Variants in PUDP observed in about 807,000 individuals in gnomAD.
The protein encoded by PUDP is pseudouridine 5'-phosphatase.
PUDP carries 8 observed loss-of-function variants against 9.4 expected under a neutral mutation model. The ratio of observed to expected loss-of-function variants is 0.85; its 90% CI spans 0.50 to 1.53. The LOEUF (loss-of-function observed/expected upper bound fraction) is 1.53, where lower values mean the gene tolerates loss of function less well. PUDP is among the 40% of genes most tolerant of loss of function. The pLI, the probability that PUDP is intolerant of heterozygous loss-of-function variation, is 0.00. For missense variants in PUDP, 188 were observed against 189.7 expected (o/e 0.99, Z 0.05); for synonymous variants, 99 against 80.7 (o/e 1.23, Z -1.22).
chrX:6,908,211 G>A (rs1208303201), intron 3 of PUDP, among the ~76,000 whole-genome samples: 1 of 112,649 alleles, frequency 8.9e-6, no homozygotes, highest in Non-Finnish European at 1.9e-5. Flanking sequence ...AGCCTTTCCA[G>A]GAGACAGGGA....
chrX:6,870,407 T>A (rs755578048), intron 3 of PUDP, among the ~76,000 whole-genome samples: 5 of 111,775 alleles, frequency 4.5e-5, no homozygotes, highest in Admixed American at 9.5e-5. Context: ...TGATAGTGAA[T>A]AAGTCTCATG....
rs750593546 is a variant in PUDP at position 6,793,816 on chromosome X, G to A, written c.*248-87350C>T. On this transcript the variant is annotated intron_variant and NMD_transcript_variant, in intron 3 of 3. Transcript: ENST00000655425. ...CAAGTTGATAGGAAAGGATAGGCTG[G>A]GGGCAGTCTTAAACCCTGGAAACCT... is the stretch of plus-strand genomic sequence containing the variant. Among the ~76,000 whole-genome samples the A allele has an allele frequency of 4.0e-3, 433 of 109,002 alleles. 8 individuals carry two copies. The highest frequency in any genetic ancestry group is 6.4e-3 in the Non-Finnish European group (327 of 50,998). The allele number at this position is 109,002 out of a possible 115,157, so 94.7% of individuals were successfully genotyped here.
chrX:7,121,126 AC>A (rs766188253), intron 1 of PUDP, among the ~76,000 whole-genome samples: 42 of 111,474 alleles, frequency 3.8e-4, no homozygotes, highest in Non-Finnish European at 6.8e-4. Context: ...CTCCAATTAA[AC>A]CTCCATAAAG....
At position 7,006,994 on chromosome X, in the gene PUDP, A is replaced by G. The variant is rs191102025; in HGVS notation, c.205-28651T>C. Reference sequence around the variant, plus strand: ...GATAACAACATGCCTTGGTTTCCCCATGCTACTGAAATGCCAGTGGTTGGG... The same window carrying G: ...GATAACAACATGCCTTGGTTTCCCCGTGCTACTGAAATGCCAGTGGTTGGG... On this transcript the variant is annotated intron_variant and NMD_transcript_variant, in intron 1 of 3. Coordinates refer to the PUDP transcript ENST00000655425. Among the ~76,000 whole-genome samples, 79 of 111,707 alleles carry G rather than the reference A, an allele frequency of 7.1e-4. 1 individual carries two copies. In the Admixed American group the frequency reaches 7.5e-3, roughly 11 times the overall value.
At chrX:6,949,582 G>A (rs927712718) in intron 3 of PUDP, among the ~76,000 whole-genome samples, 1 of 112,106 alleles carries the variant, frequency 8.9e-6, no homozygotes, top group Non-Finnish European at 1.9e-5. Flanking sequence ...TAATCTTTCT[G>A]CAGATAACTC....
At chrX:6,903,719 A>G (rs1927724847) in intron 3 of PUDP, among the ~76,000 whole-genome samples, 1 of 110,888 alleles carries the variant, frequency 9.0e-6, no homozygotes, top group Non-Finnish European at 1.9e-5. Flanking sequence ...GTTCTCACTT[A>G]TACGTAGAAG....
Position 6,795,600 on chromosome X carries a change from G to A in PUDP, c.*248-89134C>T, listed in dbSNP as rs749610809. 2.7e-5 allele frequency among the ~76,000 whole-genome samples: 3 copies of A among 111,069 alleles called. No individual in the cohort carries two copies. In the South Asian group the frequency reaches 1.1e-3, roughly 43 times the overall value. On this transcript the variant is annotated intron_variant and NMD_transcript_variant, in intron 3 of 3. Transcript: ENST00000655425. ...AAGCCTACATGGCCTCTTCTCTAGG[G>A]GGAGATATTCATTGAACTGGTAAAT...
chrX:6,842,029 C>A (rs1010429272), intron 3 of PUDP, among the ~76,000 whole-genome samples: 1 of 111,100 alleles, frequency 9.0e-6, no homozygotes, highest in Non-Finnish European at 1.9e-5. Context: ...ATGCTGTGTA[C>A]GTTCAATTTG....
chrX:6,858,322 CT>C (rs370817442), intron 3 of PUDP, among the ~76,000 whole-genome samples: 8,080 of 89,139 alleles, frequency 0.091, 323 homozygotes, highest in Middle Eastern at 0.13. Flanking sequence ...TTTTTTCTTT[CT>C]TTTTTTTTTT....
At chrX:6,883,142 C>T (rs776248912) in intron 3 of PUDP, among the ~76,000 whole-genome samples, 1 of 112,056 alleles carries the variant, frequency 8.9e-6, no homozygotes, top group Non-Finnish European at 1.9e-5. Context: ...CAATTCCCTC[C>T]CCTTCTTTGA....
At chrX:7,145,401 CAG>C (rs1468692873) in intron 1 of PUDP, among the ~76,000 whole-genome samples, 4 of 111,452 alleles carry the variant, frequency 3.6e-5, no homozygotes, top group Non-Finnish European at 7.5e-5. Context: ...TATTTACAAA[CAG>C]AATAATCTTC....
intron 3 of PUDP, among the ~76,000 whole-genome samples, chrX:6,918,076 C>T (rs956645415): frequency 8.9e-6 from 1 of 112,022 alleles, no homozygotes; most frequent in Admixed American, 9.5e-5. Flanking sequence ...CATAACATTT[C>T]CTGCTTTTTA....
intron 3 of PUDP, among the ~76,000 whole-genome samples, chrX:7,075,810 T>C (rs1249830828): frequency 8.9e-6 from 1 of 111,800 alleles, no homozygotes; most frequent in African/African-American, 3.3e-5. Flanking sequence ...TTATCCTTCA[T>C]AACAAAGCAG....
intron 3 of PUDP, among the ~76,000 whole-genome samples, chrX:6,949,658 T>C (rs1928520036): frequency 1.8e-5 from 2 of 112,778 alleles, no homozygotes; most frequent in South Asian, 7.3e-4. Flanking sequence ...TTATGTTAAA[T>C]GTTAATGTCA....
At chrX:6,968,463 C>T (rs1313453355) in intron 3 of PUDP, among the ~76,000 whole-genome samples, 2 of 110,663 alleles carry the variant, frequency 1.8e-5, no homozygotes, top group Non-Finnish European at 3.8e-5. Flanking sequence ...GGGTGTGAGT[C>T]ACTGTCTTCA....
chrX:6,948,709 G>A (rs1928507241), intron 3 of PUDP, among the ~76,000 whole-genome samples: 1 of 112,196 alleles, frequency 8.9e-6, no homozygotes, highest in South Asian at 3.7e-4. Flanking sequence ...CATATCGTGT[G>A]TTCAGCTCAA....
intron 3 of PUDP, among the ~76,000 whole-genome samples, chrX:6,755,363 C>T (rs914192429): frequency 9.0e-6 from 1 of 111,559 alleles, no homozygotes; most frequent in Non-Finnish European, 1.9e-5. Flanking sequence ...AAATTATAGA[C>T]ATTTATATAA....
chrX:7,076,794 CTA>C (rs1930919524), intron 3 of PUDP, among the ~76,000 whole-genome samples: 1 of 112,252 alleles, frequency 8.9e-6, no homozygotes, highest in Non-Finnish European at 1.9e-5. Flanking sequence ...AACGAGCACT[CTA>C]TAAGCAGTTG....
intron 2 of PUDP, among the ~76,000 whole-genome samples, chrX:7,091,295 G>A (rs1203589689): frequency 8.9e-6 from 1 of 111,967 alleles, no homozygotes; most frequent in African/African-American, 3.3e-5. Context: ...TCACTAGAAT[G>A]TGGAAAGCTC....
Sources: gnomAD v4.1 joint callset for allele counts (sites outside exome capture counted in the v4.1 genomes callset) on GRCh38, gnomAD v4.1.1 for gene constraint, MANE v1.5 for transcripts, NCBI Gene and HGNC (gene_info 2026-07-23, HGNC 2026-07-21) for gene names.